The following EPS15L1 variants were observed in gnomAD, a reference collection of about 807,000 sequenced individuals.
The protein encoded by EPS15L1 is epidermal growth factor receptor substrate 15-like 1.
A neutral mutation model predicts 117.1 loss-of-function variants in EPS15L1; 43 were observed. The ratio of observed to expected loss-of-function variants is 0.37; its 90% CI spans 0.29 to 0.47. The LOEUF (loss-of-function observed/expected upper bound fraction) is 0.47. Ranked by LOEUF, EPS15L1 falls within the 20% of genes least tolerant of loss-of-function variation. EPS15L1 has a pLI of 0.99. For synonymous variants in EPS15L1, 459 were observed against 470.5 expected (o/e 0.98, Z 0.32); for missense variants, 981 against 1,164.0 (o/e 0.84, Z 2.29).
chr19:16,459,210 G>A (rs932832226), intron 1 of EPS15L1, among the ~76,000 whole-genome samples: 1 of 152,168 alleles, frequency 6.6e-6, no homozygotes, highest in Non-Finnish European at 1.5e-5. Flanking sequence ...CCTATGCTTG[G>A]GGCCGCTGCC....
rs111593959 is a variant in EPS15L1 at position 16,434,935 on chromosome 19, CTT to C, written c.373-447_373-446del. ...ATCAACTTAAAGTACAGGAAGTCCT[CTT>C]TTTTTTTTTTTTTTTCTTTTTTTGA... On this transcript the variant is annotated intron_variant, in intron 6 of 23. Coordinates refer to ENST00000455140, the MANE Select transcript of EPS15L1 (RefSeq NM_001258374.3). 2.7e-3 allele frequency: 373 copies of C among 139,324 alleles called. 2 individuals carry two copies. The highest frequency in any genetic ancestry group is 8.5e-3 in the South Asian group (38 of 4,452). 8.6% of individuals were successfully genotyped at this position (139,324 alleles called of 1,614,324 possible).
chr19:16,439,222 T>C (rs551380910), intron 4 of EPS15L1, among the ~76,000 whole-genome samples: 5 of 151,814 alleles, frequency 3.3e-5, no homozygotes, highest in Non-Finnish European at 7.4e-5. Flanking sequence ...TTGCAGAGTG[T>C]AGAGGATCAT....
intron 7 of EPS15L1, among the ~76,000 whole-genome samples, chr19:16,430,725 G>A (rs1490450236): frequency 6.6e-6 from 1 of 152,254 alleles, no homozygotes; most frequent in Non-Finnish European, 1.5e-5. Context: ...TGCACGATGT[G>A]TGAGTGCCTG....
intron 13 of EPS15L1, chr19:16,412,860 C>T: frequency 3.5e-6 from 2 of 568,166 alleles, no homozygotes; most frequent in South Asian, 3.0e-5. Context: ...GAGGCAAGGC[C>T]GAGGATAAGG....
chr19:16,410,632 T>TGGCATGGTGGCTC (rs1449268698), intron 13 of EPS15L1, among the ~76,000 whole-genome samples: 1 of 152,000 alleles, frequency 6.6e-6, no homozygotes, highest in Admixed American at 6.6e-5. Context: ...CATCGTGGCT[T>TGGCATGGTGGCTC]GGCATGGTGG....
At chr19:16,463,294 C>T (rs969762793) in intron 1 of EPS15L1, among the ~76,000 whole-genome samples, 4 of 152,184 alleles carry the variant, frequency 2.6e-5, no homozygotes, top group East Asian at 1.9e-4. Context: ...CTCAACCTGA[C>T]GGTTGCAGAC....
chr19:16,401,914 A>G, intron 16 of EPS15L1: 4 of 1,005,746 alleles, frequency 4.0e-6, no homozygotes, highest in Non-Finnish European at 4.7e-6. Context: ...ACACATACAC[A>G]TAGACACATG....
Position 16,409,100 on chromosome 19 carries a change from C to T in EPS15L1, c.1267-4351G>A, listed in dbSNP as rs536605244. Among the ~76,000 whole-genome samples the T allele has an allele frequency of 6.4e-4, 98 of 152,214 alleles. 1 individual carries two copies. Among genetic ancestry groups the T allele is most frequent in the African/African-American group, 2.3e-3 (95 of 41,516 alleles). On this transcript the variant is annotated intron_variant, in intron 13 of 23. Coordinates refer to ENST00000455140, the MANE Select transcript of EPS15L1 (RefSeq NM_001258374.3). The stretch of plus-strand genomic sequence containing the variant: ...TTTGAATTAGCTAGGTGTGGCAGTG[C>T]ACACCCTGTAGTCCTAGCTACTCAG...
intron 1 of EPS15L1, among the ~76,000 whole-genome samples, chr19:16,469,183 T>A (rs2093327490): frequency 6.6e-6 from 1 of 151,960 alleles, no homozygotes; most frequent in African/African-American, 2.4e-5. Context: ...CCTTCTGGAC[T>A]CTAGAAGGCA....
chr19:16,403,262 G>A (rs539301630), intron 15 of EPS15L1, among the ~76,000 whole-genome samples: 52 of 152,168 alleles, frequency 3.4e-4, no homozygotes, highest in Non-Finnish European at 5.7e-4. Context: ...GGGTGGGGGC[G>A]TCCCAGGCAG....
intron 1 of EPS15L1, among the ~76,000 whole-genome samples, chr19:16,466,436 G>A (rs1173652720): frequency 5.9e-5 from 9 of 151,898 alleles, no homozygotes; most frequent in Admixed American, 1.3e-4. Flanking sequence ...AATCCCCACC[G>A]AATGCACTAC....
chr19:16,415,469 A>G (rs1202837982), intron 12 of EPS15L1, among the ~76,000 whole-genome samples: 1 of 152,178 alleles, frequency 6.6e-6, no homozygotes, highest in Non-Finnish European at 1.5e-5. Flanking sequence ...AGGCCCTCTC[A>G]GGGACATGTC....
At position 16,395,601 on chromosome 19, in the gene EPS15L1, G is replaced by A. The variant is rs983515563; in HGVS notation, c.1792-134C>T. ...AAAAGAATGATTTAGCCAGGAGTTC[G>A]AGGCTGGCCTGGGCAACATAGCAAA... is the stretch of plus-strand genomic sequence containing the variant. On this transcript the variant is annotated intron_variant, in intron 16 of 23. Transcript: ENST00000455140. The A allele has an allele frequency of 2.3e-5, 22 of 974,990 alleles. No individual in the cohort carries two copies. In the East Asian group the frequency reaches 2.9e-4, roughly 13 times the overall value. The allele number at this position is 974,990 out of a possible 1,614,324, so 60.4% of individuals were successfully genotyped here.
intron 22 of EPS15L1, among the ~76,000 whole-genome samples, chr19:16,372,477 G>A (rs1159239786): frequency 6.6e-6 from 1 of 152,230 alleles, no homozygotes; most frequent in Non-Finnish European, 1.5e-5. Flanking sequence ...TATGAGCGAT[G>A]ACCCACAGAG....
At chr19:16,456,447 A>G (rs778365121) in intron 1 of EPS15L1, among the ~76,000 whole-genome samples, 8 of 151,906 alleles carry the variant, frequency 5.3e-5, no homozygotes, top group Non-Finnish European at 8.8e-5. Flanking sequence ...ACATGAGGTC[A>G]GGAGTTCGAG....
At chr19:16,361,387 G>A (rs1204640061) in intron 23 of EPS15L1, among the ~76,000 whole-genome samples, 1 of 152,162 alleles carries the variant, frequency 6.6e-6, no homozygotes, top group Non-Finnish European at 1.5e-5. Context: ...TTTGGGGACA[G>A]CAGAACCCTA....
chr19:16,392,093 G>A (rs1037931122), intron 19 of EPS15L1, among the ~76,000 whole-genome samples: 2 of 152,192 alleles, frequency 1.3e-5, no homozygotes, highest in African/African-American at 4.8e-5. Flanking sequence ...GGGGCTCACA[G>A]GATGTCACTG....
At position 16,454,051 on chromosome 19, in the gene EPS15L1, C is replaced by T. The variant is rs1211597201; in HGVS notation, c.34-11832G>A. On this transcript the variant is annotated intron_variant, in intron 1 of 23. Transcript: ENST00000455140. Reference sequence around the variant, plus strand: ...TTCCTTTAGAACACACACAAGTGTGCCCTACCATGGCTACAAGGTCTGCTC... The same window carrying T: ...TTCCTTTAGAACACACACAAGTGTGTCCTACCATGGCTACAAGGTCTGCTC... 2.0e-5 allele frequency among the ~76,000 whole-genome samples: 3 copies of T among 152,276 alleles called. No homozygotes were observed. In the South Asian group the frequency reaches 6.2e-4, roughly 32 times the overall value.
At position 16,392,328 on chromosome 19, in the gene EPS15L1, C is replaced by T. The variant is rs779816749; in HGVS notation, c.2079G>A (p.Thr693=). ...CCTTCGAAGGTAAGGAAGGGTTTTT[C>T]GTGAATGGATCCGAGGTAAATGGGT... is the stretch of plus-strand genomic sequence containing the variant. ...KNDPFTSDPF[T]KNPSLPSKLD... is the part of the protein sequence containing the mutation. The change falls in exon 19 of 24, where the codon ACG becomes ACA. Residue 693 remains threonine, a synonymous_variant. Coordinates refer to ENST00000455140, the MANE Select transcript of EPS15L1 (RefSeq NM_001258374.3). 47 of 1,613,988 alleles carry T rather than the reference C, an allele frequency of 2.9e-5. No homozygotes were observed. Among genetic ancestry groups the T allele is most frequent in the Non-Finnish European group, 3.2e-5 (38 of 1,179,998 alleles).
Sources: allele counts gnomAD v4.1 joint callset (sites outside exome capture counted in the v4.1 genomes callset), GRCh38; gene constraint gnomAD v4.1.1; transcripts MANE v1.5; gene names NCBI Gene and HGNC (gene_info 2026-07-23, HGNC 2026-07-21).